Variants in DQX1 observed in about 807,000 individuals in gnomAD.
DQX1 encodes ATP-dependent RNA helicase homolog DQX1.
DQX1 carries 66 observed loss-of-function variants against 81.3 expected under a neutral mutation model. The observed-to-expected ratio is 0.81, with a 90% CI of 0.67 to 1.00. The LOEUF (loss-of-function observed/expected upper bound fraction) is 1.00, where lower values mean the gene tolerates loss of function less well. Among genes scored for constraint, DQX1 ranks in the 50% least tolerant of loss-of-function variants. DQX1 has a pLI of 0.00. For missense variants in DQX1, 798 were observed against 867.9 expected (o/e 0.92, Z 1.01); for synonymous variants, 290 against 350.0 (o/e 0.83, Z 1.91).
chr2:74,522,277 C>T (rs1572984817), intron 8 of DQX1, among the ~76,000 whole-genome samples: 1 of 152,096 alleles, frequency 6.6e-6, no homozygotes, highest in East Asian at 1.9e-4. Flanking sequence ...AGCAATACAC[C>T]AGTTAGAACA....
chr2:74,524,029 CAGT>C lies in DQX1; in HGVS notation c.707_709del (p.Tyr236del). On this transcript the variant is annotated inframe_deletion, in exon 4 of 12. Coordinates refer to ENST00000404568, the MANE Select transcript of DQX1 (RefSeq NM_133637.3). ...CACCCGATCAGGTGGGATGGTGTCC[CAGT>C]AGATGGGGGAAGGTCTCTCACCAGG... 6.2e-7 allele frequency: 1 copy of C among 1,614,188 alleles called. No homozygotes were observed. The highest frequency in any genetic ancestry group is 8.5e-7 in the Non-Finnish European group (1 of 1,180,030).
rs369369781 is a variant in DQX1, at chr2:74,519,983, C to T, written c.1547G>A (p.Arg516His). Residue 516 changes from arginine to histidine, a missense_variant, in exon 9 of 12, where the codon CGT becomes CAT. Coordinates refer to ENST00000404568, the MANE Select transcript of DQX1 (RefSeq NM_133637.3). ...PPLSAEEAAL[R>H]RALEHTDGDH... Reference sequence around the variant, plus strand: ...ACCATCCGTGTGTTCCAGGGCCCGACGCAGGGCAGCTTCTTCTGCACTGAG... The same window carrying T: ...ACCATCCGTGTGTTCCAGGGCCCGATGCAGGGCAGCTTCTTCTGCACTGAG... 19 of 1,614,158 alleles carry T rather than the reference C, an allele frequency of 1.2e-5. No individual in the cohort carries two copies. The highest frequency in any genetic ancestry group is 3.3e-4 in the Middle Eastern group (2 of 6,062).
chr2:74,520,302 G>A (rs1191533753), intron 8 of DQX1, among the ~76,000 whole-genome samples: 1 of 152,234 alleles, frequency 6.6e-6, no homozygotes, highest in Non-Finnish European at 1.5e-5. Flanking sequence ...ATATGGTACT[G>A]TGGAAACAAA....
At position 74,525,483 on chromosome 2, in the gene DQX1, C is replaced by T; in HGVS notation, c.237+10G>A. On this transcript the variant is annotated intron_variant, in intron 2 of 11. Coordinates refer to ENST00000404568, the MANE Select transcript of DQX1 (RefSeq NM_133637.3). The surrounding 1 kb of genome is among the most constrained non-coding windows in gnomAD (Gnocchi z 4.1). ...CCAGAATCTGCCTGCCCCCACAACC[C>T]CCACCACACCTGGGTGCTCTTGCCA... 1 of 1,551,658 alleles carries T rather than the reference C, an allele frequency of 6.4e-7. No individual in the cohort carries two copies. The highest frequency in any genetic ancestry group is 8.7e-7 in the Non-Finnish European group (1 of 1,146,882).
chr2:74,520,760 A>G (rs1384093033), intron 8 of DQX1, among the ~76,000 whole-genome samples: 1 of 151,868 alleles, frequency 6.6e-6, no homozygotes, highest in Non-Finnish European at 1.5e-5. Context: ...TGCAGCCTCA[A>G]CCTCCCAGGC....
Position 74,523,214 on chromosome 2 carries a change from T to C in DQX1, c.1049A>G (p.Tyr350Cys), listed in dbSNP as rs73949679. The C allele has an allele frequency of 6.2e-7, 1 of 1,614,158 alleles. No individual in the cohort carries two copies. Among genetic ancestry groups the C allele is most frequent in the Non-Finnish European group, 8.5e-7 (1 of 1,180,020 alleles). ...GAATTCTGCTCGGATCCTAGGATTG[T>C]AAACCTGTTGCCCGTCCCCCAACCA... ...IDSGLELRSV[Y>C]NPRIRAEFQV... The change falls in exon 6 of 12, where the codon TAC (tyrosine) becomes TGC (cysteine). Residue 350 changes from tyrosine (Y) to cysteine (C), a missense_variant. Tyr to Cys is a radical substitution (Grantham distance 194). Transcript: ENST00000404568.
At chr2:74,524,749 G>GGTGC (rs1179651799) in intron 3 of DQX1, among the ~76,000 whole-genome samples, 1 of 152,138 alleles carries the variant, frequency 6.6e-6, no homozygotes, top group Non-Finnish European at 1.5e-5. Context: ...CAGGCGTGGA[G>GGTGC]GTGCGCGCCT....
At chr2:74,524,532 G>C (rs1323653081) in intron 3 of DQX1, among the ~76,000 whole-genome samples, 3 of 152,116 alleles carry the variant, frequency 2.0e-5, no homozygotes, top group African/African-American at 7.2e-5. Context: ...TTCTGATGAG[G>C]GTGAGGCTGA....
chr2:74,519,844 C>T, intron 9 of DQX1, 71 bp downstream of exon 9: 1 of 1,602,248 alleles, frequency 6.2e-7, no homozygotes, highest in East Asian at 2.2e-5. Context: ...GCATAGAGAT[C>T]TGTCAGCTGG....
At position 74,523,105 on chromosome 2, in the gene DQX1, G is replaced by T; in HGVS notation, c.1144+14C>A. ...TCTTGGGTTTTTTATTTCAGTGAGG[G>T]CAAAGGCTCTTACCTGGTGGGAACC... On this transcript the variant is annotated intron_variant, in intron 6 of 11. Transcript: ENST00000404568. 6.2e-7 allele frequency: 1 copy of T among 1,614,122 alleles called. No individual in the cohort carries two copies. Among genetic ancestry groups the T allele is most frequent in the South Asian group, 1.1e-5 (1 of 91,076 alleles).
At chr2:74,520,855 A>G (rs1037313118) in intron 8 of DQX1, among the ~76,000 whole-genome samples, 8 of 151,732 alleles carry the variant, frequency 5.3e-5, no homozygotes, top group African/African-American at 1.7e-4. Context: ...TTGTTTTTGT[A>G]GAGACAGGGT....
Position 74,523,291 on chromosome 2 carries a change from A to G in DQX1, c.1044+19T>C. The G allele has an allele frequency of 1.2e-6, 2 of 1,613,612 alleles. No individual in the cohort carries two copies. The highest frequency in any genetic ancestry group is 8.5e-7 in the Non-Finnish European group (1 of 1,179,690). On this transcript the variant is annotated intron_variant, in intron 5 of 11. Transcript: ENST00000404568. Reference sequence around the variant, plus strand: ...TTTCTGTCTTTACTACCCCACCGCTATCTCTCTCTCTCACTCACACTTCGG... The same window carrying G: ...TTTCTGTCTTTACTACCCCACCGCTGTCTCTCTCTCTCACTCACACTTCGG...
rs752655988 is a variant in DQX1, at chr2:74,519,123, T to C, written c.1914A>G (p.Arg638=). ...TGTGGTAGAGCACCCATGGTGGGGG[T>C]CTGGCAGGAGCTCTGCGGCTTCGGT... ...CCYRSRRAPA[R]PPPWVLYHNF... The change falls in exon 11 of 12, where the codon AGA becomes AGG. Residue 638 remains arginine (R), a synonymous_variant. Transcript: ENST00000404568. 1.9e-6 allele frequency: 3 copies of C among 1,612,784 alleles called. No homozygotes were observed. The highest frequency in any genetic ancestry group is 2.5e-6 in the Non-Finnish European group (3 of 1,179,436).
chr2:74,522,449 C>T, intron 8 of DQX1, 131 bp downstream of exon 8: 2 of 1,119,632 alleles, frequency 1.8e-6, no homozygotes, highest in Non-Finnish European at 2.5e-6. Context: ...GTGACTAAGC[C>T]TGGTTCTTTA....
rs1160184898 is a variant in DQX1, at chr2:74,522,865, C to T, written c.1294G>A (p.Asp432Asn). The change falls in exon 7 of 12, where the codon GAC becomes AAC. Residue 432 changes from aspartate to asparagine, a missense_variant. Asp to Asn is a conservative substitution (Grantham distance 23). Transcript: ENST00000404568. ...CAGGAGAGGTGCTCACCAGGCTGGT[C>T]CAGGAAGTGACACTCCCCTGGCTCT... ...IAEPGECHFL[D>N]QPAPEALMQA... The T allele has an allele frequency of 6.2e-7, 1 of 1,613,786 alleles. No individual in the cohort carries two copies. The highest frequency in any genetic ancestry group is 1.1e-5 in the South Asian group (1 of 91,058).
Position 74,525,502 on chromosome 2 carries a change from C to A in DQX1, c.228G>T (p.Lys76Asn). 1 of 1,552,252 alleles carries A rather than the reference C, an allele frequency of 6.4e-7. No individual in the cohort carries two copies. The highest frequency in any genetic ancestry group is 1.2e-5 in the South Asian group (1 of 84,060). ...VLVSGEPGSG[K>N]STQIPQWCAE... ...ACAACCCCCACCACACCTGGGTGCT[C>A]TTGCCAGAACCAGGCTCCCCAGACA... is the stretch of plus-strand genomic sequence containing the variant. Residue 76 changes from lysine (K) to asparagine (N), a missense_variant, in exon 2 of 12, where the codon AAG becomes AAT. Physicochemically the swap from Lys to Asn is moderately conservative, Grantham distance 94. Transcript: ENST00000404568. The surrounding 1 kb of genome is among the most constrained non-coding windows in gnomAD (Gnocchi z 4.1).
chr2:74,523,654 CAT>C, intron 4 of DQX1, 117 bp from the exon 5 acceptor site: 1 of 1,054,334 alleles, frequency 9.5e-7, no homozygotes, highest in Admixed American at 2.5e-5. Context: ...GCAAATTACT[CAT>C]AAAGTTGAAG....
chr2:74,520,932 C>A (rs1397356111), intron 8 of DQX1, among the ~76,000 whole-genome samples: 2 of 152,132 alleles, frequency 1.3e-5, no homozygotes, highest in Non-Finnish European at 2.9e-5. Flanking sequence ...CTCAGCCTCC[C>A]AAAGTGCTGA....
intron 8 of DQX1, among the ~76,000 whole-genome samples, chr2:74,522,003 C>T (rs1446010044): frequency 1.3e-5 from 2 of 152,128 alleles, no homozygotes; most frequent in African/African-American, 4.8e-5. Context: ...GACCAATTTA[C>T]AATGGATAAG....
Sources: allele counts gnomAD v4.1 joint callset (sites outside exome capture counted in the v4.1 genomes callset), GRCh38; gene constraint gnomAD v4.1.1; non-coding constraint Gnocchi (gnomAD v3.1); transcripts MANE v1.5; gene names NCBI Gene and HGNC (gene_info 2026-07-23, HGNC 2026-07-21).